Variants in MYO3A observed in about 807,000 individuals in gnomAD.
MYO3A encodes the protein myosin-IIIa.
In MYO3A, 180 loss-of-function variants were observed where a neutral mutation model predicts 192.7. The observed-to-expected ratio is 0.93, with a 90% CI of 0.83 to 1.06. The LOEUF is 1.06. Ranked by LOEUF, MYO3A falls within the 50% of genes least tolerant of loss-of-function variation. MYO3A has a pLI of 0.00. For missense variants in MYO3A, 1,896 were observed against 1,905.0 expected (o/e 1.00, Z 0.09); for synonymous variants, 628 against 645.3 (o/e 0.97, Z 0.41).
intron 17 of MYO3A, among the ~76,000 whole-genome samples, chr10:26,112,934 G>A (rs1190006461): frequency 1.3e-5 from 2 of 152,112 alleles, no homozygotes; most frequent in African/African-American, 4.8e-5. Flanking sequence ...ACCATATAAT[G>A]GGAATTTTCG....
intron 26 of MYO3A, among the ~76,000 whole-genome samples, chr10:26,161,735 A>G (rs1017381335): frequency 1.3e-5 from 2 of 152,224 alleles, no homozygotes; most frequent in African/African-American, 4.8e-5. Context: ...TGATAGAACC[A>G]GGTGTCATCA....
chr10:25,984,152 A>C (rs1839503277), intron 4 of MYO3A, among the ~76,000 whole-genome samples: 1 of 152,204 alleles, frequency 6.6e-6, no homozygotes, highest in Non-Finnish European at 1.5e-5. Context: ...ACAAAATAAA[A>C]TCTCCTTAAA....
At chr10:26,129,737 A>T (rs940944717) in intron 20 of MYO3A, among the ~76,000 whole-genome samples, 2 of 152,144 alleles carry the variant, frequency 1.3e-5, no homozygotes, top group East Asian at 3.8e-4. Flanking sequence ...CTCACTAGGC[A>T]TCTCCTTTAG....
At chr10:26,112,240 T>G (rs1402176811) in intron 17 of MYO3A, among the ~76,000 whole-genome samples, 1 of 152,214 alleles carries the variant, frequency 6.6e-6, no homozygotes, top group Admixed American at 6.5e-5. Context: ...ATATAACATC[T>G]GTTTTTGGAT....
At chr10:26,177,009 G>A (rs1842369405) in intron 31 of MYO3A, among the ~76,000 whole-genome samples, 164 bp downstream of exon 31, 1 of 151,910 alleles carries the variant, frequency 6.6e-6, no homozygotes, top group Admixed American at 6.6e-5. Context: ...TTTTTAGGAT[G>A]TTCTACCCAC....
intron 17 of MYO3A, among the ~76,000 whole-genome samples, chr10:26,100,648 T>C (rs534145501): frequency 1.3e-5 from 2 of 152,348 alleles, no homozygotes; most frequent in South Asian, 4.1e-4. Context: ...TTCATTTCGT[T>C]ATGTACCCAG....
chr10:25,961,952 GCT>G (rs1460366821), intron 4 of MYO3A, among the ~76,000 whole-genome samples: 1 of 152,184 alleles, frequency 6.6e-6, no homozygotes, highest in Admixed American at 6.6e-5. Context: ...TGTTAACAGT[GCT>G]AGGCTTTTAA....
chr10:25,988,145 T>A (rs2092850718), intron 4 of MYO3A, among the ~76,000 whole-genome samples: 1 of 152,128 alleles, frequency 6.6e-6, no homozygotes, highest in South Asian at 2.1e-4. Flanking sequence ...CTCACTCATA[T>A]GTGAGAGCTA....
chr10:25,970,111 T>C (rs1020506082), intron 4 of MYO3A, among the ~76,000 whole-genome samples: 5 of 152,072 alleles, frequency 3.3e-5, no homozygotes, highest in Admixed American at 1.3e-4. Context: ...CAATATTAAA[T>C]GGAAATTTCA....
intron 7 of MYO3A, among the ~76,000 whole-genome samples, chr10:26,017,694 A>G (rs1375578330): frequency 1.3e-5 from 2 of 151,906 alleles, no homozygotes; most frequent in Non-Finnish European, 2.9e-5. Flanking sequence ...TAAAATGTAA[A>G]CTTAATACAA....
At chr10:26,123,299 A>C (rs892547302) in intron 18 of MYO3A, among the ~76,000 whole-genome samples, 4 of 152,270 alleles carry the variant, frequency 2.6e-5, no homozygotes, top group African/African-American at 9.6e-5. Context: ...ACTGAGGGAA[A>C]ATATTTGCAA....
chr10:26,157,618 G>A (rs1589051410), intron 26 of MYO3A, 103 bp downstream of exon 26: 1 of 1,252,670 alleles, frequency 8.0e-7, no homozygotes, highest in Non-Finnish European at 1.1e-6. Flanking sequence ...AGGTCTAGGA[G>A]GGAGGCATTT....
intron 10 of MYO3A, among the ~76,000 whole-genome samples, chr10:26,050,838 C>T (rs979468205): frequency 1.1e-4 from 16 of 152,228 alleles, no homozygotes; most frequent in Non-Finnish European, 1.8e-4. Context: ...AAAGGGATTT[C>T]CATATGGTAG....
At chr10:26,073,264 A>G (rs755521274) in intron 14 of MYO3A, among the ~76,000 whole-genome samples, 3 of 151,964 alleles carry the variant, frequency 2.0e-5, no homozygotes, top group Non-Finnish European at 2.9e-5. Flanking sequence ...AGCAATAATG[A>G]ATTCCATTTA....
At chr10:26,194,523 C>G (rs779352167) in intron 32 of MYO3A, among the ~76,000 whole-genome samples, 2 of 152,154 alleles carry the variant, frequency 1.3e-5, no homozygotes, top group Non-Finnish European at 2.9e-5. Context: ...CAGCAGCACT[C>G]CCCTATGCCC....
intron 31 of MYO3A, among the ~76,000 whole-genome samples, chr10:26,184,468 T>C (rs1415860685): frequency 6.6e-6 from 1 of 152,226 alleles, no homozygotes; most frequent in East Asian, 1.9e-4. Flanking sequence ...TTTAGACATG[T>C]GATATTTCTG....
chr10:26,086,209 C>T (rs1299191760), intron 14 of MYO3A, among the ~76,000 whole-genome samples: 2 of 152,016 alleles, frequency 1.3e-5, no homozygotes, highest in Non-Finnish European at 2.9e-5. Context: ...GCAAGCACAA[C>T]AAAGCAGGAG....
chr10:26,047,307 T>A (rs1412018754), intron 10 of MYO3A, among the ~76,000 whole-genome samples: 3 of 149,034 alleles, frequency 2.0e-5, no homozygotes, highest in East Asian at 1.9e-4. Context: ...CAGAAAAAAA[T>A]TATTGTAGAG....
chr10:26,165,833 A>C, intron 26 of MYO3A: 1 of 589,796 alleles, frequency 1.7e-6, no homozygotes, highest in Non-Finnish European at 3.0e-6. Context: ...AAGTTTTGAA[A>C]GGTGATCACA....
Sources: gnomAD v4.1 joint callset for allele counts (sites outside exome capture counted in the v4.1 genomes callset) on GRCh38, gnomAD v4.1.1 for gene constraint, MANE v1.5 for transcripts, NCBI Gene and HGNC (gene_info 2026-07-23, HGNC 2026-07-21) for gene names.